Variants in FKBP9 observed in about 807,000 individuals in gnomAD.
The protein encoded by FKBP9 is FKBP prolyl isomerase 9.
Under a neutral mutation model 55.6 loss-of-function variants are expected in FKBP9, and 27 were observed. The observed-to-expected ratio is 0.49, with a 90% confidence interval of 0.36 to 0.67. FKBP9 has a LOEUF of 0.67. Among genes scored for constraint, FKBP9 ranks in the 30% least tolerant of loss-of-function variants. FKBP9 has a pLI of 0.00. For missense variants in FKBP9, 539 were observed against 742.8 expected (o/e 0.73, Z 3.19); for synonymous variants, 267 against 296.5 (o/e 0.90, Z 1.02).
chr7:32,973,580 A>AGTGTGTGTGTGTGTGTGTGTGT (rs10566069), intron 1 of FKBP9, among the ~76,000 whole-genome samples: 18 of 144,080 alleles, frequency 1.2e-4, no homozygotes, highest in East Asian at 1.1e-3. Flanking sequence ...AAAAAAATCA[A>AGTGTGTGTGTGTGTGTGTGTGT]GTGTGTGTGT....
chr7:32,997,232 G>A (rs1239607564), intron 7 of FKBP9, among the ~76,000 whole-genome samples: 1 of 152,106 alleles, frequency 6.6e-6, no homozygotes, highest in Non-Finnish European at 1.5e-5. Flanking sequence ...ACTATACTTG[G>A]CTAATTTTGT....
Position 32,973,063 on chromosome 7 carries a change from G to A in FKBP9, c.222-1554G>A, listed in dbSNP as rs182121455. Among the ~76,000 whole-genome samples the A allele has an allele frequency of 3.9e-3, 601 of 152,208 alleles. 1 individual carries two copies. The highest frequency in any genetic ancestry group is 0.013 in the African/African-American group (534 of 41,532). ...ACTCTTATTGTATATATCCCTCCGC[G>A]TCAGTGAGTAAAAATCTGTTATAAA... On this transcript the variant is annotated intron_variant, in intron 1 of 9. Coordinates refer to ENST00000242209, the MANE Select transcript of FKBP9 (RefSeq NM_007270.5).
At position 32,996,248 on chromosome 7, in the gene FKBP9, C is replaced by T; in HGVS notation, c.1125C>T (p.Ser375=). The change falls in exon 7 of 10, where the codon TCC becomes TCT. Residue 375 remains serine, a synonymous_variant. Transcript: ENST00000242209. ...CTTCGGACTCCATCAGCATCACCTC[C>T]CACTACAAACCCCCTGACTGCTCAG... ...HNPSDSISIT[S]HYKPPDCSVL... 1 of 1,614,030 alleles carries T rather than the reference C, an allele frequency of 6.2e-7. No individual in the cohort carries two copies. Among genetic ancestry groups the T allele is most frequent in the African/African-American group, 1.3e-5 (1 of 75,040 alleles).
chr7:33,005,254 A>C lies in FKBP9; in HGVS notation c.1616A>C (p.Lys539Thr). 1 of 1,614,220 alleles carries C rather than the reference A, an allele frequency of 6.2e-7. No individual in the cohort carries two copies. The highest frequency in any genetic ancestry group is 8.5e-7 in the Non-Finnish European group (1 of 1,180,034). ...APGFDAELIV[K>T]NMFTNQDRNG... is the part of the protein sequence containing the mutation. The stretch of plus-strand genomic sequence containing the variant: ...GGCTTTGATGCTGAGCTGATTGTGA[A>C]GAATATGTTCACCAACCAGGACCGG... The change falls in exon 10 of 10, where the codon AAG (lysine) becomes ACG (threonine). Residue 539 changes from lysine (K) to threonine (T), a missense_variant. By Grantham distance (78) the Lys-to-Thr change is moderately conservative. Coordinates refer to ENST00000242209, the MANE Select transcript of FKBP9 (RefSeq NM_007270.5).
At position 32,975,295 on chromosome 7, in the gene FKBP9, C is replaced by T. The variant is rs1424072596; in HGVS notation, c.481C>T (p.Arg161Trp). The T allele has an allele frequency of 2.5e-6, 4 of 1,613,828 alleles. No individual in the cohort carries two copies. The highest frequency in any genetic ancestry group is 2.2e-5 in the East Asian group (1 of 44,904). The change falls in exon 3 of 10, where the codon CGG becomes TGG. Residue 161 changes from arginine to tryptophan, a missense_variant. Arg to Trp is a moderately radical substitution (Grantham distance 101). This residue lies in a region of FKBP9 where 236 missense variants were observed against 271.5 expected (regional missense o/e 0.87). Transcript: ENST00000242209. ...HTYFKPPSCP[R>W]TIQVSDFVRY... ...CTATTTCAAGCCCCCGAGTTGCCCT[C>T]GGACCATCCAGGTGTCTGATTTTGT...
intron 1 of FKBP9, among the ~76,000 whole-genome samples, chr7:32,972,327 G>A (rs1325720715): frequency 6.6e-6 from 1 of 152,124 alleles, no homozygotes; most frequent in African/African-American, 2.4e-5. Context: ...TTGAAGAAAG[G>A]AAACTTATTA....
chr7:32,993,851 T>C (rs1784732331), intron 6 of FKBP9, among the ~76,000 whole-genome samples: 1 of 152,236 alleles, frequency 6.6e-6, no homozygotes, highest in South Asian at 2.1e-4. Context: ...GGCTAATAAA[T>C]TTCATTCCTT....
At chr7:32,998,381 G>A (rs1389622481) in intron 7 of FKBP9, among the ~76,000 whole-genome samples, 1 of 152,144 alleles carries the variant, frequency 6.6e-6, no homozygotes, top group Non-Finnish European at 1.5e-5. Context: ...CTTCTCGGAG[G>A]CTCCAGGATC....
chr7:32,966,435 G>A (rs904970091), intron 1 of FKBP9, among the ~76,000 whole-genome samples: 18 of 152,102 alleles, frequency 1.2e-4, no homozygotes, highest in African/African-American at 4.3e-4. Flanking sequence ...GAAAAGGAGG[G>A]TGTTGGATGT....
At chr7:33,002,570 A>C in intron 8 of FKBP9, 106 bp from the exon 9 acceptor site, 1 of 1,499,724 alleles carries the variant, frequency 6.7e-7, no homozygotes. Context: ...TTTGGTCAGA[A>C]GTCCCACTCT....
intron 1 of FKBP9, among the ~76,000 whole-genome samples, chr7:32,973,045 T>C (rs1423717271): frequency 6.6e-6 from 1 of 152,148 alleles, no homozygotes; most frequent in Admixed American, 6.6e-5. Context: ...TTTACTCTTA[T>C]TGTATATATC....
At chr7:33,003,009 C>G in intron 9 of FKBP9, 170 bp downstream of exon 9, 1 of 604,418 alleles carries the variant, frequency 1.7e-6, no homozygotes, top group Admixed American at 3.0e-5. Context: ...CACACCCTCT[C>G]GATGGAAGCT....
rs2953602 is a variant in FKBP9, at chr7:33,002,196, C to T, written c.1373-480C>T. On this transcript the variant is annotated intron_variant, in intron 8 of 9. Transcript: ENST00000242209. ...TCACCCAGGCTGAAGTGCAATGGCGCGATCTCGGCTCACTGCAATGTTTGC... is the reference window on the plus strand; with the variant it reads ...TCACCCAGGCTGAAGTGCAATGGCGTGATCTCGGCTCACTGCAATGTTTGC... The T allele has an allele frequency of 1.4e-3, 219 of 154,816 alleles. 2 individuals carry two copies. Among genetic ancestry groups the T allele is most frequent in the Non-Finnish European group, 2.2e-3 (153 of 69,636 alleles). The allele number at this position is 154,816 out of a possible 1,614,324, so 9.6% of individuals were successfully genotyped here. A position where few individuals can be genotyped will look rare whatever the true frequency, so the allele number is the denominator to read the frequency against.
At chr7:32,976,266 G>A in intron 3 of FKBP9, 88 bp from the exon 4 acceptor site, 1 of 1,508,926 alleles carries the variant, frequency 6.6e-7, no homozygotes. Context: ...TCGTTTAGCT[G>A]ATATTTGGGT....
intron 1 of FKBP9, among the ~76,000 whole-genome samples, chr7:32,965,808 A>T (rs1245506413): frequency 0.037 from 1,015 of 27,084 alleles, 45 homozygotes; most frequent in African/African-American, 0.11. Flanking sequence ...AAAAAAAAAA[A>T]AAAAATATAT....
intron 1 of FKBP9, 39 bp downstream of exon 1, chr7:32,957,833 G>A (rs1488700077): frequency 1.5e-6 from 2 of 1,377,442 alleles, no homozygotes; most frequent in Non-Finnish European, 1.9e-6. Flanking sequence ...CTCAGCGGAT[G>A]CGCGTCCCTC....
chr7:32,980,071 GC>G (rs1784445447), intron 4 of FKBP9, among the ~76,000 whole-genome samples: 1 of 152,186 alleles, frequency 6.6e-6, no homozygotes, highest in Non-Finnish European at 1.5e-5. Context: ...GCCTGTGGGT[GC>G]CTGCCCACCT....
chr7:33,001,863 C>T (rs1472277165), intron 8 of FKBP9: 1 of 152,120 alleles, frequency 6.6e-6, no homozygotes, highest in Admixed American at 6.5e-5. Flanking sequence ...CTTTTTTCCA[C>T]AAGACACACA....
In FKBP9 at chr7:33,006,868, C is replaced by G. The variant is rs921696190; in HGVS notation, c.*1517C>G. Reference sequence around the variant, plus strand: ...AGGTAGTTCATGAAAATGCTGTGCACTCATTCCATGGAATAAATGTTGGAA... The same window carrying G: ...AGGTAGTTCATGAAAATGCTGTGCAGTCATTCCATGGAATAAATGTTGGAA... On this transcript the variant is annotated 3_prime_UTR_variant, in exon 10 of 10. Coordinates refer to ENST00000242209, the MANE Select transcript of FKBP9 (RefSeq NM_007270.5). The G allele has an allele frequency of 1.1e-5, 2 of 190,170 alleles. No individual in the cohort carries two copies. Among genetic ancestry groups the G allele is most frequent in the African/African-American group, 4.7e-5 (2 of 42,846 alleles). 11.8% of individuals were successfully genotyped at this position (190,170 alleles called of 1,614,324 possible).
Sources: allele counts gnomAD v4.1 joint callset (sites outside exome capture counted in the v4.1 genomes callset), GRCh38; gene constraint gnomAD v4.1.1; regional missense constraint gnomAD v4.1.1; transcripts MANE v1.5; gene names NCBI Gene and HGNC (gene_info 2026-07-23, HGNC 2026-07-21).